The following UBE2N variants were observed in gnomAD, a reference collection of about 807,000 sequenced individuals.
UBE2N encodes the protein ubiquitin-conjugating enzyme E2 N.
For missense variants in UBE2N, 60 were observed against 192.1 expected (o/e 0.31, Z 4.07); for synonymous variants, 70 against 69.2 (o/e 1.01, Z -0.06).
chr12:93,425,365 T>C (rs930948309), intron 1 of UBE2N, among the ~76,000 whole-genome samples: 1 of 152,164 alleles, frequency 6.6e-6, no homozygotes, highest in African/African-American at 2.4e-5. Context: ...AAAGCAGCAT[T>C]TCTACCATCT....
intron 1 of UBE2N, among the ~76,000 whole-genome samples, chr12:93,432,935 T>TTTTG (rs1484756737): frequency 1.4e-5 from 2 of 147,836 alleles, no homozygotes; most frequent in African/African-American, 5.0e-5. Flanking sequence ...TCATTCAGGT[T>TTTTG]TTTTTTTTTT....
chr12:93,430,653 C>T (rs2121089676), intron 1 of UBE2N, among the ~76,000 whole-genome samples: 1 of 151,866 alleles, frequency 6.6e-6, no homozygotes, highest in South Asian at 2.1e-4. Flanking sequence ...TGGCTCACGC[C>T]TGTAATCCCA....
intron 2 of UBE2N, 31 bp from the exon 3 acceptor site, chr12:93,410,905 G>T (rs1164951635): frequency 6.2e-7 from 1 of 1,613,974 alleles, no homozygotes; most frequent in African/African-American, 1.3e-5. Context: ...GTATGATAAA[G>T]CATGAAAAAA....
intron 1 of UBE2N, among the ~76,000 whole-genome samples, chr12:93,411,671 GCTT>G (rs1243018561): frequency 6.6e-6 from 1 of 152,054 alleles, no homozygotes; most frequent in Non-Finnish European, 1.5e-5. Flanking sequence ...AGTAAAATTA[GCTT>G]TTTTGGTGGT....
chr12:93,419,448 TAAC>T (rs887291264), intron 1 of UBE2N, among the ~76,000 whole-genome samples: 4 of 152,072 alleles, frequency 2.6e-5, no homozygotes, highest in Admixed American at 6.5e-5. Flanking sequence ...GAAATGCATG[TAAC>T]AACAGTTGCT....
At chr12:93,440,811 T>C (rs1879077753) in intron 1 of UBE2N, among the ~76,000 whole-genome samples, 1 of 152,230 alleles carries the variant, frequency 6.6e-6, no homozygotes, top group Non-Finnish European at 1.5e-5. Context: ...CGATATTTCC[T>C]TAAGACTTTA....
In UBE2N at chr12:93,413,430, A is replaced by G. The variant is rs1878093433; in HGVS notation, c.31-2131T>C. Among the ~76,000 whole-genome samples, 3 of 152,130 alleles carry G rather than the reference A, an allele frequency of 2.0e-5. No individual in the cohort carries two copies. The South Asian group carries it at 6.2e-4, about 32-fold the overall frequency. ...TGAATTTAAATACTAAACACACTCT[A>G]TAAGCTGAAGCCTCCCCTAATTCAT... On this transcript the variant is annotated intron_variant, in intron 1 of 3. Coordinates refer to ENST00000318066, the MANE Select transcript of UBE2N (RefSeq NM_003348.4).
chr12:93,436,040 A>C (rs930702240), intron 1 of UBE2N, among the ~76,000 whole-genome samples: 3 of 152,196 alleles, frequency 2.0e-5, no homozygotes, highest in African/African-American at 7.2e-5. Flanking sequence ...TAATCAAATA[A>C]GTCAACCCCT....
chr12:93,430,843 G>A (rs1325292053), intron 1 of UBE2N, among the ~76,000 whole-genome samples: 3 of 149,582 alleles, frequency 2.0e-5, no homozygotes, highest in Non-Finnish European at 4.4e-5. Context: ...GTTGGGGATG[G>A]TAGTGCATGC....
intron 1 of UBE2N, among the ~76,000 whole-genome samples, chr12:93,417,278 ACC>A (rs990870134): frequency 2.0e-5 from 3 of 152,254 alleles, no homozygotes; most frequent in Admixed American, 6.5e-5. Flanking sequence ...TGAAGAGCAA[ACC>A]CTAGACTCAC....
At chr12:93,412,354 C>T (rs76903208) in intron 1 of UBE2N, among the ~76,000 whole-genome samples, 98 of 152,298 alleles carry the variant, frequency 6.4e-4, no homozygotes, top group African/African-American at 2.1e-3. Flanking sequence ...TTGGACATTT[C>T]CCTGCATCTG....
chr12:93,432,947 T>TTTTG (rs1327522241), intron 1 of UBE2N, among the ~76,000 whole-genome samples: 1 of 150,796 alleles, frequency 6.6e-6, no homozygotes, highest in African/African-American at 2.4e-5. Flanking sequence ...TTTTTTTTTT[T>TTTTG]TGAGACGGAG....
chr12:93,429,618 G>A (rs1878698352), intron 1 of UBE2N, among the ~76,000 whole-genome samples: 1 of 151,808 alleles, frequency 6.6e-6, no homozygotes, highest in Non-Finnish European at 1.5e-5. Context: ...CCTTCAGGAG[G>A]TATTCCAGAA....
At chr12:93,426,129 G>A (rs949391546) in intron 1 of UBE2N, among the ~76,000 whole-genome samples, 7 of 152,056 alleles carry the variant, frequency 4.6e-5, no homozygotes, top group Non-Finnish European at 8.8e-5. Flanking sequence ...AGATTATCTC[G>A]TCCTGCACTA....
At chr12:93,411,358 G>C (rs981999198) in intron 1 of UBE2N, 59 bp from the exon 2 acceptor site, 1 of 1,536,528 alleles carries the variant, frequency 6.5e-7, no homozygotes, top group African/African-American at 1.4e-5. Flanking sequence ...GACACCAAAA[G>C]TAAAATTAGA....
chr12:93,418,645 G>A (rs1266174601), intron 1 of UBE2N, among the ~76,000 whole-genome samples: 2 of 151,872 alleles, frequency 1.3e-5, no homozygotes, highest in Non-Finnish European at 2.9e-5. Context: ...AAAAATGGCT[G>A]ATGAGTACTT....
intron 1 of UBE2N, among the ~76,000 whole-genome samples, chr12:93,421,969 G>C (rs1314620383): frequency 6.6e-6 from 1 of 152,204 alleles, no homozygotes; most frequent in African/African-American, 2.4e-5. Flanking sequence ...CAGGAGGTGT[G>C]AGTTAGGATA....
chr12:93,427,269 A>C (rs1878624390), intron 1 of UBE2N, among the ~76,000 whole-genome samples: 1 of 152,224 alleles, frequency 6.6e-6, no homozygotes, highest in Admixed American at 6.5e-5. Context: ...AAAGGTTGGA[A>C]ATCCCTGTTC....
Position 93,406,379 on chromosome 12 carries a change from G to C in UBE2N, c.*3660C>G, listed in dbSNP as rs1235863411. ...CTCGATCCAATTTAGTTCCACTTAG[G>C]TCACTGTGTTTATAATGTCTTTTAG... On this transcript the variant is annotated 3_prime_UTR_variant, in exon 4 of 4. Transcript: ENST00000318066. 1.3e-5 allele frequency: 2 copies of C among 150,164 alleles called. No homozygotes were observed. Among genetic ancestry groups the C allele is most frequent in the Non-Finnish European group, 2.9e-5 (2 of 67,850 alleles). 9.3% of individuals were successfully genotyped at this position (150,164 alleles called of 1,614,324 possible). A position where few individuals can be genotyped will look rare whatever the true frequency, so the allele number is the denominator to read the frequency against.
Sources: allele counts gnomAD v4.1 joint callset (sites outside exome capture counted in the v4.1 genomes callset), GRCh38; gene constraint gnomAD v4.1.1; transcripts MANE v1.5; gene names NCBI Gene and HGNC (gene_info 2026-07-23, HGNC 2026-07-21).